GOT2: variants seen among roughly 807,000 people sequenced by gnomAD.
GOT2 encodes the protein aspartate aminotransferase, mitochondrial.
Under a neutral mutation model 50.0 loss-of-function variants are expected in GOT2, and 17 were observed. That is an observed-to-expected ratio of 0.34 (90% CI 0.23 to 0.51). The LOEUF is 0.51. Among genes scored for constraint, GOT2 ranks in the 20% least tolerant of loss-of-function variants. The pLI, the probability that GOT2 is intolerant of heterozygous loss-of-function variation, is 0.97. For synonymous variants in GOT2, 172 were observed against 204.9 expected (o/e 0.84, Z 1.37); for missense variants, 430 against 559.6 (o/e 0.77, Z 2.34).
intron 1 of GOT2, among the ~76,000 whole-genome samples, chr16:58,733,517 T>A (rs2044851703): frequency 6.6e-6 from 1 of 151,958 alleles, no homozygotes. Flanking sequence ...ACACTACACC[T>A]CGACCCTTTC....
chr16:58,727,810 G>A (rs933370663), intron 1 of GOT2, among the ~76,000 whole-genome samples: 3 of 152,164 alleles, frequency 2.0e-5, no homozygotes, highest in South Asian at 2.1e-4. Flanking sequence ...TAAGAATAAA[G>A]GCTCACGGTG....
At chr16:58,712,508 C>A (rs1221218748) in intron 8 of GOT2, among the ~76,000 whole-genome samples, 1 of 138,200 alleles carries the variant, frequency 7.2e-6, no homozygotes, top group Non-Finnish European at 1.6e-5. Flanking sequence ...AAGATTCTCT[C>A]AAAACAACAA....
chr16:58,723,955 T>C, intron 1 of GOT2, 53 bp from the exon 2 acceptor site: 1 of 1,505,164 alleles, frequency 6.6e-7, no homozygotes, highest in Non-Finnish European at 9.1e-7. Flanking sequence ...CAAGATCCAT[T>C]TTACTTATTT....
chr16:58,708,686 A>T (rs1386748129), intron 9 of GOT2, among the ~76,000 whole-genome samples: 2 of 152,044 alleles, frequency 1.3e-5, no homozygotes, highest in African/African-American at 4.8e-5. Context: ...ACAGATGGGG[A>T]AAAAGACACC....
intron 7 of GOT2, chr16:58,716,410 G>A (rs867281535): frequency 8.3e-5 from 50 of 599,318 alleles, no homozygotes; most frequent in Middle Eastern, 8.7e-4. Context: ...TTGGCTCACG[G>A]ATTTGTTACT....
At chr16:58,728,041 G>A (rs2044802017) in intron 1 of GOT2, among the ~76,000 whole-genome samples, 2 of 152,068 alleles carry the variant, frequency 1.3e-5, no homozygotes, top group African/African-American at 4.8e-5. Context: ...CTCCTCCATG[G>A]GGCACACTTG....
At chr16:58,713,713 T>C (rs1384788073) in intron 8 of GOT2, among the ~76,000 whole-genome samples, 5 of 152,116 alleles carry the variant, frequency 3.3e-5, no homozygotes, top group Admixed American at 3.3e-4. Flanking sequence ...ATAACAAATA[T>C]ACGATAAACT....
Position 58,716,148 on chromosome 16 carries a change from G to A in GOT2, c.885C>T (p.Cys295=). 1 of 1,613,882 alleles carries A rather than the reference G, an allele frequency of 6.2e-7. No individual in the cohort carries two copies. The highest frequency in any genetic ancestry group is 8.5e-7 in the Non-Finnish European group (1 of 1,179,928). ...GERVGAFTMV[C]KDADEAKRVE... is the part of the protein sequence containing the mutation. ...CCCTTTTGGCTTCATCCGCATCTTT[G>A]CAGACCATAGTGAAGGCTCCTACAC... Residue 295 remains cysteine (C), a synonymous_variant, in exon 8 of 10, where the codon TGC becomes TGT. Coordinates refer to ENST00000245206, the MANE Select transcript of GOT2 (RefSeq NM_002080.4).
chr16:58,730,120 C>G (rs1159374172), intron 1 of GOT2, among the ~76,000 whole-genome samples: 1 of 152,074 alleles, frequency 6.6e-6, no homozygotes, highest in Non-Finnish European at 1.5e-5. Flanking sequence ...GGAACACTGA[C>G]AATTTATGGA....
At chr16:58,715,027 T>C (rs2044680552) in intron 8 of GOT2, among the ~76,000 whole-genome samples, 1 of 151,742 alleles carries the variant, frequency 6.6e-6, no homozygotes, top group South Asian at 2.1e-4. Context: ...AGAGAACAGA[T>C]GTTGAGAGTC....
chr16:58,718,120 T>C (rs1211952269), intron 6 of GOT2, 76 bp downstream of exon 6: 7 of 1,013,174 alleles, frequency 6.9e-6, no homozygotes, highest in Non-Finnish European at 1.1e-5. Context: ...GACTCTCTGT[T>C]GAGACATTGC....
chr16:58,721,244 C>T (rs1347849689), intron 3 of GOT2, among the ~76,000 whole-genome samples: 2 of 152,176 alleles, frequency 1.3e-5, no homozygotes, highest in Non-Finnish European at 2.9e-5. Flanking sequence ...TTGTATGTTT[C>T]TTCACTCCCC....
At chr16:58,732,745 G>A (rs561572542) in intron 1 of GOT2, among the ~76,000 whole-genome samples, 3 of 152,316 alleles carry the variant, frequency 2.0e-5, no homozygotes, top group East Asian at 3.9e-4. Context: ...AGAGCTTCAG[G>A]TGATCTAGCC....
intron 1 of GOT2, among the ~76,000 whole-genome samples, chr16:58,728,912 C>T (rs973447441): frequency 6.6e-6 from 1 of 152,104 alleles, no homozygotes; most frequent in African/African-American, 2.4e-5. Context: ...GTCTTGAACC[C>T]CTGACCTCAA....
rs1418459582 is a variant in GOT2, at chr16:58,726,345, G to A, written c.90-2443C>T. Among the ~76,000 whole-genome samples, 3 of 151,876 alleles carry A rather than the reference G, an allele frequency of 2.0e-5. No individual in the cohort carries two copies. In the East Asian group the frequency reaches 5.8e-4, roughly 30 times the overall value. On this transcript the variant is annotated intron_variant, in intron 1 of 9. Transcript: ENST00000245206. ...GGATTACAAACTCCTGCCACCATGC[G>A]CAGCTAATTTTTGTATTTTTAGTAG...
At chr16:58,708,647 A>G (rs1321342849) in intron 9 of GOT2, among the ~76,000 whole-genome samples, 1 of 152,004 alleles carries the variant, frequency 6.6e-6, no homozygotes, top group African/African-American at 2.4e-5. Context: ...AAGCTACTTT[A>G]AAGTAGGATG....
At chr16:58,711,442 T>C (rs1206282384) in intron 8 of GOT2, among the ~76,000 whole-genome samples, 1 of 152,200 alleles carries the variant, frequency 6.6e-6, no homozygotes, top group East Asian at 1.9e-4. Flanking sequence ...ACCAATGACA[T>C]TCCCATTTAC....
At chr16:58,728,701 GAC>G (rs2044807231) in intron 1 of GOT2, among the ~76,000 whole-genome samples, 1 of 151,956 alleles carries the variant, frequency 6.6e-6, no homozygotes, top group South Asian at 2.1e-4. Flanking sequence ...TTTTTTTTGA[GAC>G]AGAGTCTCAC....
At chr16:58,728,806 A>C (rs1473246911) in intron 1 of GOT2, among the ~76,000 whole-genome samples, 2 of 152,022 alleles carry the variant, frequency 1.3e-5, no homozygotes, top group African/African-American at 2.4e-5. Context: ...TCAGCCTCCC[A>C]AGTAGCTGGG....
Sources: gnomAD v4.1 joint callset for allele counts (sites outside exome capture counted in the v4.1 genomes callset) on GRCh38, gnomAD v4.1.1 for gene constraint, MANE v1.5 for transcripts, NCBI Gene and HGNC (gene_info 2026-07-23, HGNC 2026-07-21) for gene names.